REEP2: variants seen among roughly 807,000 people sequenced by gnomAD.
REEP2 encodes receptor accessory protein 2.
REEP2 carries 9 observed loss-of-function variants against 32.1 expected under a neutral mutation model. The ratio of observed to expected loss-of-function variants is 0.28; its 90% CI spans 0.17 to 0.49. The LOEUF (loss-of-function observed/expected upper bound fraction) is 0.49, where lower values mean the gene tolerates loss of function less well. REEP2 is among the 20% of genes least tolerant of loss of function. The pLI is 0.99. For synonymous variants in REEP2, 128 were observed against 139.1 expected (o/e 0.92, Z 0.56); for missense variants, 236 against 338.0 (o/e 0.70, Z 2.37).
chr5:138,440,965 G>C, intron 1 of REEP2, 51 bp from the exon 2 acceptor site: 4 of 1,607,036 alleles, frequency 2.5e-6, no homozygotes, highest in Non-Finnish European at 3.4e-6. Flanking sequence ...CTGGGAGGGA[G>C]AGGCCACTGC....
chr5:138,444,809 G>A lies in REEP2; in HGVS notation c.359G>A (p.Arg120Lys). 4 of 1,614,052 alleles carry A rather than the reference G, an allele frequency of 2.5e-6. No individual in the cohort carries two copies. The highest frequency in any genetic ancestry group is 3.4e-6 in the Non-Finnish European group (4 of 1,179,934). ...GACAAGAGCTATGAGACCATGATGA[G>A]GGTGGGCAAGAGGGGCCTGAACCTT... ...ARDKSYETMM[R>K]VGKRGLNLAA... Residue 120 changes from arginine to lysine, a missense_variant, in exon 5 of 8, where the codon AGG becomes AAG. Coordinates refer to ENST00000378339, the MANE Select transcript of REEP2 (RefSeq NM_001271803.2).
At position 138,445,497 on chromosome 5, in the gene REEP2, A is replaced by G. The variant is rs1763911322; in HGVS notation, c.595A>G (p.Ser199Gly). The change falls in exon 7 of 8, where the codon AGC becomes GGC. Residue 199 changes from serine to glycine, a missense_variant. Ser to Gly is a moderately conservative substitution (Grantham distance 56). Coordinates refer to ENST00000378339, the MANE Select transcript of REEP2 (RefSeq NM_001271803.2). ...TGACCCTGCCCTGAGTCTAAGGTCC[A>G]GCACAAACCCGGCAGATTCCCGGAC... ...GDDPALSLRS[S>G]TNPADSRTEA... 6.2e-7 allele frequency: 1 copy of G among 1,614,080 alleles called. No individual in the cohort carries two copies. The highest frequency in any genetic ancestry group is 8.5e-7 in the Non-Finnish European group (1 of 1,180,028).
chr5:138,441,503 C>A lies in REEP2; in HGVS notation c.182+42C>A, dbSNP rs1284647152. 1 of 1,532,000 alleles carries A rather than the reference C, an allele frequency of 6.5e-7. No homozygotes were observed. The highest frequency in any genetic ancestry group is 9.0e-7 in the Non-Finnish European group (1 of 1,105,382). 94.9% of individuals were successfully genotyped at this position (1,532,000 alleles called of 1,614,324 possible). The stretch of plus-strand genomic sequence containing the variant: ...CCTCCTGTATCTCAGGGCCCAGGGC[C>A]TCTGCCTTTCTCTACCCAGCCAGCC... On this transcript the variant is annotated intron_variant, in intron 3 of 7. Transcript: ENST00000378339. This position sits in a 1 kb window ranked among gnomAD's most constrained non-coding sequence, Gnocchi z 4.4.
In REEP2 at chr5:138,439,766, C is replaced by A. The variant is rs1347314744; in HGVS notation, c.32+526C>A. 3 of 455,930 alleles carry A rather than the reference C, an allele frequency of 6.6e-6. No individual in the cohort carries two copies. The East Asian group carries it at 2.1e-4, about 32-fold the overall frequency. 28.2% of individuals were successfully genotyped at this position (455,930 alleles called of 1,614,324 possible). A position where few individuals can be genotyped will look rare whatever the true frequency, so the allele number is the denominator to read the frequency against. On this transcript the variant is annotated intron_variant, in intron 1 of 7. Coordinates refer to ENST00000378339, the MANE Select transcript of REEP2 (RefSeq NM_001271803.2). ...GGGACGAGGGCATATGCCCTTAGGC[C>A]CCCTAGGGAGGAAGTCTGGGTATCG...
In REEP2 at chr5:138,445,734, G is replaced by A. The variant is rs1330664969; in HGVS notation, c.748G>A (p.Gly250Arg). The A allele has an allele frequency of 2.5e-6, 4 of 1,614,018 alleles. No individual in the cohort carries two copies. Among genetic ancestry groups the A allele is most frequent in the Middle Eastern group, 1.6e-4 (1 of 6,062 alleles). The change falls in exon 8 of 8, where the codon GGG becomes AGG. Residue 250 changes from glycine (G) to arginine (R), a missense_variant. Gly to Arg is a moderately radical substitution (Grantham distance 125). Transcript: ENST00000378339. The stretch of plus-strand genomic sequence containing the variant: ...CCGGCCCAAGAAGAAGACCTCTGGC[G>A]GGGGCGACTCAGCTTGAGCCCCTCC... ...KTRPKKKTSG[G>R]GDSA
In REEP2 at chr5:138,445,459, T is replaced by G. The variant is rs1321449683; in HGVS notation, c.566-9T>G. On this transcript the variant is annotated splice_polypyrimidine_tract_variant and intron_variant, in intron 6 of 7. Coordinates refer to ENST00000378339, the MANE Select transcript of REEP2 (RefSeq NM_001271803.2). ...AGATTCCCCCACCTCCTTTTCTCCCTGCACCCAGGAGATGACCCTGCCCTG... is the reference window on the plus strand; with the variant it reads ...AGATTCCCCCACCTCCTTTTCTCCCGGCACCCAGGAGATGACCCTGCCCTG... 1.2e-6 allele frequency: 2 copies of G among 1,613,962 alleles called. No homozygotes were observed. Among genetic ancestry groups the G allele is most frequent in the Non-Finnish European group, 1.7e-6 (2 of 1,180,010 alleles).
At chr5:138,444,098 G>A (rs1763877909) in intron 3 of REEP2, among the ~76,000 whole-genome samples, 1 of 152,048 alleles carries the variant, frequency 6.6e-6, no homozygotes, top group Non-Finnish European at 1.5e-5. Context: ...GTTTCCCTTG[G>A]TGTTGACCCT....
Position 138,441,246 on chromosome 5 carries a change from T to C in REEP2, c.106-139T>C. 7.9e-7 allele frequency: 1 copy of C among 1,263,860 alleles called. No individual in the cohort carries two copies. Among genetic ancestry groups the C allele is most frequent in the Non-Finnish European group, 1.1e-6 (1 of 873,464 alleles). The allele number at this position is 1,263,860 out of a possible 1,614,324, so 78.3% of individuals were successfully genotyped here. On this transcript the variant is annotated intron_variant, in intron 2 of 7. Coordinates refer to ENST00000378339, the MANE Select transcript of REEP2 (RefSeq NM_001271803.2). The surrounding 1 kb of genome is among the most constrained non-coding windows in gnomAD (Gnocchi z 4.4). ...GGCCCTGGGTGTCCCACACAGCGCC[T>C]CCAACATGGCTGGCAGGCAGAAGTG...
intron 3 of REEP2, 175 bp from the exon 4 acceptor site, chr5:138,444,240 C>T (rs1176181125): frequency 3.1e-6 from 2 of 636,348 alleles, no homozygotes; most frequent in Non-Finnish European, 5.1e-6. Flanking sequence ...GGAGCTTCAG[C>T]TGAGCCCTCC....
At chr5:138,439,526 C>T (rs1763783003) in intron 1 of REEP2, among the ~76,000 whole-genome samples, 1 of 152,180 alleles carries the variant, frequency 6.6e-6, no homozygotes, top group Non-Finnish European at 1.5e-5. Context: ...GGCTGAGCAG[C>T]ACGGCTTGAT....
chr5:138,439,403 AG>A (rs1388199434), intron 1 of REEP2, among the ~76,000 whole-genome samples, 163 bp downstream of exon 1: 2 of 151,990 alleles, frequency 1.3e-5, no homozygotes, highest in Admixed American at 6.5e-5. Flanking sequence ...CCAGGACTGG[AG>A]GGGGGAATAT....
chr5:138,441,586 T>G lies in REEP2; in HGVS notation c.182+125T>G. On this transcript the variant is annotated intron_variant, in intron 3 of 7. Transcript: ENST00000378339. This position sits in a 1 kb window ranked among gnomAD's most constrained non-coding sequence, Gnocchi z 4.4. ...TCCCATTCCTGACAATTTCATGGGG[T>G]CCTTGATATCTCCCCTCTCATGCCT... The G allele has an allele frequency of 1.3e-6, 1 of 758,490 alleles. No individual in the cohort carries two copies. The highest frequency in any genetic ancestry group is 1.5e-5 in the South Asian group (1 of 65,580). The allele number at this position is 758,490 out of a possible 1,614,324, so 47.0% of individuals were successfully genotyped here.
At position 138,439,196 on chromosome 5, in the gene REEP2, G is replaced by A. The variant is rs766546487; in HGVS notation, c.-13G>A. 1 of 1,361,286 alleles carries A rather than the reference G, an allele frequency of 7.3e-7. No individual in the cohort carries two copies. The highest frequency in any genetic ancestry group is 2.3e-5 in the South Asian group (1 of 43,794). The allele number at this position is 1,361,286 out of a possible 1,614,324, so 84.3% of individuals were successfully genotyped here. A position where few individuals can be genotyped will look rare whatever the true frequency, so the allele number is the denominator to read the frequency against. The stretch of plus-strand genomic sequence containing the variant: ...GGGCCGGGTCCCCGCCCCGCGCCGC[G>A]CCCGGCCCCGCCATGGTGTCCTGGA... On this transcript the variant is annotated 5_prime_UTR_variant, in exon 1 of 8. Transcript: ENST00000378339.
rs749237945 is a variant in REEP2 at position 138,444,419 on chromosome 5, C to G, written c.187C>G (p.Pro63Ala). Reference protein sequence around the residue: ...TLTDIVLSWFPFYFELKIAFV... With the variant: ...TLTDIVLSWFAFYFELKIAFV... ...CGCTTGCCCCTGTCCCAACAGGTTC[C>G]CCTTCTACTTTGAACTGAAGATCGC... The change falls in exon 4 of 8, where the codon CCC (proline) becomes GCC (alanine). Residue 63 changes from proline to alanine, a missense_variant. Pro to Ala is a conservative substitution (Grantham distance 27, BLOSUM62 -1). Transcript: ENST00000378339. The G allele has an allele frequency of 1.9e-6, 3 of 1,613,906 alleles. No individual in the cohort carries two copies. The highest frequency in any genetic ancestry group is 2.5e-6 in the Non-Finnish European group (3 of 1,179,956).
Position 138,439,125 on chromosome 5 carries a change from TGCCGCC to T in REEP2, c.-72_-67del, listed in dbSNP as rs1003310174. ...CTGCTGCTGCTACTGCGGCTCCTGC[TGCCGCC>T]GCCGCCGCCGCTCGGCCTCAGGCAG... On this transcript the variant is annotated 5_prime_UTR_variant, in exon 1 of 8. Transcript: ENST00000378339. 5.8e-6 allele frequency: 5 copies of T among 859,602 alleles called. No individual in the cohort carries two copies. The highest frequency in any genetic ancestry group is 1.1e-4 in the South Asian group (2 of 17,984). The allele number at this position is 859,602 out of a possible 1,614,324, so 53.2% of individuals were successfully genotyped here. A position where few individuals can be genotyped will look rare whatever the true frequency, so the allele number is the denominator to read the frequency against.
intron 3 of REEP2, 144 bp from the exon 4 acceptor site, chr5:138,444,271 G>A (rs1763880986): frequency 1.1e-6 from 1 of 884,904 alleles, no homozygotes; most frequent in Admixed American, 2.5e-5. Context: ...AGATTAGAAA[G>A]GAGCAGTCCC....
At chr5:138,444,372 C>T in intron 3 of REEP2, 43 bp from the exon 4 acceptor site, 1 of 1,599,890 alleles carries the variant, frequency 6.3e-7, no homozygotes, top group Middle Eastern at 1.7e-4. Context: ...GGGCACCTCC[C>T]AACTCCCTGC....
intron 1 of REEP2, 71 bp downstream of exon 1, chr5:138,439,311 T>C: frequency 7.3e-7 from 1 of 1,364,090 alleles, no homozygotes; most frequent in Non-Finnish European, 9.6e-7. Flanking sequence ...CCGGGTGGAC[T>C]TCTCCGAAGC....
At chr5:138,445,041 C>T in intron 5 of REEP2, 174 bp downstream of exon 5, 1 of 793,750 alleles carries the variant, frequency 1.3e-6, no homozygotes, top group Non-Finnish European at 2.0e-6. Context: ...ATTGTCCGGC[C>T]ATTTCCCCAT....
Sources: gnomAD v4.1 joint callset for allele counts (sites outside exome capture counted in the v4.1 genomes callset) on GRCh38, gnomAD v4.1.1 for gene constraint, Gnocchi (gnomAD v3.1) non-coding constraint, MANE v1.5 for transcripts, NCBI Gene and HGNC (gene_info 2026-07-23, HGNC 2026-07-21) for gene names.